COL27A1: variants seen among roughly 807,000 people sequenced by gnomAD.
COL27A1 encodes collagen alpha-1(XXVII) chain.
Under a neutral mutation model 251.3 loss-of-function variants are expected in COL27A1, and 106 were observed. That is an observed-to-expected ratio of 0.42 (90% CI 0.36 to 0.50). The LOEUF (loss-of-function observed/expected upper bound fraction) is 0.50. Ranked by LOEUF, COL27A1 falls within the 20% of genes least tolerant of loss-of-function variation. The probability of loss-of-function intolerance (pLI) is 0.00; values close to 1 mark genes in which losing one functional copy is unlikely to be tolerated. For missense variants in COL27A1, 2,325 were observed against 2,522.8 expected (o/e 0.92, Z 1.68); for synonymous variants, 1,000 against 986.3 (o/e 1.01, Z -0.26).
intron 14 of COL27A1, among the ~76,000 whole-genome samples, chr9:114,225,447 C>T (rs543427884): frequency 1.2e-4 from 18 of 152,186 alleles, no homozygotes; most frequent in Non-Finnish European, 2.2e-4. Context: ...GATGAAGTGT[C>T]CTCTCTCCTG....
At chr9:114,170,660 G>A (rs1177795676) in intron 3 of COL27A1, among the ~76,000 whole-genome samples, 1 of 152,208 alleles carries the variant, frequency 6.6e-6, no homozygotes, top group East Asian at 1.9e-4. Context: ...TAACCATATT[G>A]TCGAACTTAT....
chr9:114,240,547 CCTGTCCTGGGTA>C lies in COL27A1; in HGVS notation c.2835+64_2835+75del, dbSNP rs145684831. 1,176 of 1,522,264 alleles carry C rather than the reference CCTGTCCTGGGTA, an allele frequency of 7.7e-4. 9 individuals are homozygous for C. The African/African-American group carries it at 0.015, about 20-fold the overall frequency. The allele number at this position is 1,522,264 out of a possible 1,614,324, so 94.3% of individuals were successfully genotyped here. On this transcript the variant is annotated intron_variant, in intron 21 of 60. Transcript: ENST00000356083. ...GGCCTGATTGCAGCCCCCAGCCTGCCCTGTCCTGGGTACTGAAGGCCTTAGCTTGGGCTGGAG... is the reference window on the plus strand; with the variant it reads ...GGCCTGATTGCAGCCCCCAGCCTGCCCTGAAGGCCTTAGCTTGGGCTGGAG...
rs112956426 is a variant in COL27A1, at chr9:114,221,599, A to ATCCATGTT, written c.2422-622_2422-615dup. On this transcript the variant is annotated intron_variant, in intron 13 of 60. Coordinates refer to ENST00000356083, the MANE Select transcript of COL27A1 (RefSeq NM_032888.4). Reference sequence around the variant, plus strand: ...TCATTTCTCATGTGGGCCATGGAAGATCCATGTTTAAGACGAGAAAACTGA... The same window carrying ATCCATGTT: ...TCATTTCTCATGTGGGCCATGGAAGATCCATGTTTCCATGTTTAAGACGAGAAAACTGA... Among the ~76,000 whole-genome samples, 16 of 152,308 alleles carry ATCCATGTT rather than the reference A, an allele frequency of 1.1e-4. 1 individual carries two copies. The highest frequency in any genetic ancestry group is 2.9e-4 in the African/African-American group (12 of 41,572).
At chr9:114,226,042 T>C (rs1331454478) in intron 14 of COL27A1, among the ~76,000 whole-genome samples, 1 of 152,114 alleles carries the variant, frequency 6.6e-6, no homozygotes, top group Non-Finnish European at 1.5e-5. Context: ...ACAGCCCTCT[T>C]TGAGTAACTG....
chr9:114,273,193 G>GAGTT (rs3034156), intron 36 of COL27A1: 24,812 of 152,150 alleles, frequency 0.16, 2,191 homozygotes, highest in African/African-American at 0.19. Context: ...CTGCCTCTGA[G>GAGTT]AGGAGAACAG....
chr9:114,295,943 G>A (rs773835718), intron 49 of COL27A1, among the ~76,000 whole-genome samples: 5 of 152,114 alleles, frequency 3.3e-5, no homozygotes, highest in Non-Finnish European at 4.4e-5. Context: ...CACCACACCC[G>A]GCCTGGACAA....
intron 16 of COL27A1, among the ~76,000 whole-genome samples, chr9:114,232,938 G>A (rs940759784): frequency 6.6e-6 from 1 of 152,210 alleles, no homozygotes; most frequent in Non-Finnish European, 1.5e-5. Context: ...GGGCGTGGTC[G>A]TGGGTGCCTG....
rs186312113 is a variant in COL27A1, at chr9:114,257,718, C to T, written c.3142-823C>T. 2.0e-3 allele frequency among the ~76,000 whole-genome samples: 301 copies of T among 152,230 alleles called. 3 individuals carry two copies. The highest frequency in any genetic ancestry group is 6.6e-3 in the African/African-American group (276 of 41,534). On this transcript the variant is annotated intron_variant, in intron 27 of 60. Coordinates refer to ENST00000356083, the MANE Select transcript of COL27A1 (RefSeq NM_032888.4). ...TGATCCTCTCCCACTCTGCCCTCTC[C>T]GCCTCCCAAGCTCACCCCAGGCCTG... is the stretch of plus-strand genomic sequence containing the variant.
chr9:114,163,755 C>T (rs1264122244), intron 2 of COL27A1, among the ~76,000 whole-genome samples: 1 of 152,174 alleles, frequency 6.6e-6, no homozygotes, highest in Non-Finnish European at 1.5e-5. Flanking sequence ...GAGACTTCTG[C>T]TGCCCAGCAA....
intron 24 of COL27A1, among the ~76,000 whole-genome samples, chr9:114,246,511 C>A (rs1194390763): frequency 6.6e-6 from 1 of 152,188 alleles, no homozygotes; most frequent in Non-Finnish European, 1.5e-5. Flanking sequence ...ATCCTTCCTG[C>A]CCAGCCCTGG....
In COL27A1 at chr9:114,311,370, T is replaced by G. The variant is rs1423124290; in HGVS notation, c.*675T>G. The stretch of plus-strand genomic sequence containing the variant: ...AAAAAAAAAAATCCCTATTTAAGAT[T>G]CTGAAGGTGCTACCATTATTTTGCC... On this transcript the variant is annotated 3_prime_UTR_variant, in exon 61 of 61. Transcript: ENST00000356083. The G allele has an allele frequency of 1.3e-5, 2 of 151,030 alleles. No homozygotes were observed. The highest frequency in any genetic ancestry group is 3.9e-4 in the East Asian group (2 of 5,154). 9.4% of individuals were successfully genotyped at this position (151,030 alleles called of 1,614,324 possible).
intron 15 of COL27A1, among the ~76,000 whole-genome samples, chr9:114,231,397 G>A (rs895587757): frequency 5.9e-5 from 9 of 152,260 alleles, no homozygotes; most frequent in East Asian, 1.9e-4. Flanking sequence ...TCAGGGCACC[G>A]GAAGTCCAGT....
intron 5 of COL27A1, among the ~76,000 whole-genome samples, chr9:114,185,604 G>C (rs1368324320): frequency 6.6e-6 from 1 of 152,268 alleles, no homozygotes; most frequent in South Asian, 2.1e-4. Flanking sequence ...AGTCCTTACT[G>C]TTCAGCAGAT....
At chr9:114,276,857 G>A (rs1426978921) in intron 37 of COL27A1, among the ~76,000 whole-genome samples, 1 of 152,238 alleles carries the variant, frequency 6.6e-6, no homozygotes, top group Non-Finnish European at 1.5e-5. Flanking sequence ...GAATTCTCCT[G>A]TTTCAACATG....
At chr9:114,157,632 C>T (rs1848209560) in intron 1 of COL27A1, among the ~76,000 whole-genome samples, 1 of 152,230 alleles carries the variant, frequency 6.6e-6, no homozygotes, top group Non-Finnish European at 1.5e-5. Flanking sequence ...TCTTGATACC[C>T]ACATGCCTGG....
rs779302217 is a variant in COL27A1 at position 114,304,597 on chromosome 9, T to C, written c.4873-11T>C. On this transcript the variant is annotated splice_polypyrimidine_tract_variant and intron_variant, in intron 56 of 60. Transcript: ENST00000356083. The stretch of plus-strand genomic sequence containing the variant: ...GGGCCACGATACATACCCTGTCTTT[T>C]CCTTGCCCAGCAACAAGATGATCTT... 1 of 1,614,084 alleles carries C rather than the reference T, an allele frequency of 6.2e-7. No individual in the cohort carries two copies. The highest frequency in any genetic ancestry group is 1.3e-5 in the African/African-American group (1 of 75,040).
At position 114,196,152 on chromosome 9, in the gene COL27A1, G is replaced by A. The variant is rs944622653; in HGVS notation, c.2124+140G>A. 54 of 756,920 alleles carry A rather than the reference G, an allele frequency of 7.1e-5. No homozygotes were observed. The African/African-American group carries it at 8.7e-4, about 12-fold the overall frequency. 46.9% of individuals were successfully genotyped at this position (756,920 alleles called of 1,614,324 possible). A position where few individuals can be genotyped will look rare whatever the true frequency, so the allele number is the denominator to read the frequency against. On this transcript the variant is annotated intron_variant, in intron 7 of 60. Transcript: ENST00000356083. ...TGGGCACAGGGTACATGGGTGAGAGGTGAGAGAGCTTTCCAAGGGTTGTGC... is the reference window on the plus strand; with the variant it reads ...TGGGCACAGGGTACATGGGTGAGAGATGAGAGAGCTTTCCAAGGGTTGTGC...
At chr9:114,211,979 C>G (rs1830398208) in intron 12 of COL27A1, among the ~76,000 whole-genome samples, 1 of 152,204 alleles carries the variant, frequency 6.6e-6, no homozygotes, top group Non-Finnish European at 1.5e-5. Flanking sequence ...GAAGAGGAGG[C>G]CTGGAGCATT....
At position 114,207,873 on chromosome 9, in the gene COL27A1, C is replaced by A. The variant is rs1460206012; in HGVS notation, c.2268+1577C>A. Among the ~76,000 whole-genome samples, 7 of 152,174 alleles carry A rather than the reference C, an allele frequency of 4.6e-5. 1 individual carries two copies. The highest frequency in any genetic ancestry group is 8.8e-5 in the Non-Finnish European group (6 of 68,044). ...ATTTGGAATGGCAGTAAATGGCACT[C>A]TTTCAGATTATGGATATTAATCATG... On this transcript the variant is annotated intron_variant, in intron 10 of 60. Coordinates refer to ENST00000356083, the MANE Select transcript of COL27A1 (RefSeq NM_032888.4).
Sources: allele counts gnomAD v4.1 joint callset (sites outside exome capture counted in the v4.1 genomes callset), GRCh38; gene constraint gnomAD v4.1.1; transcripts MANE v1.5; gene names NCBI Gene and HGNC (gene_info 2026-07-23, HGNC 2026-07-21).